Variants in EVC2 observed in about 807,000 individuals in gnomAD.
EVC2 encodes the protein limbin.
EVC2 carries 148 observed loss-of-function variants against 149.3 expected under a neutral mutation model. The ratio of observed to expected loss-of-function variants is 0.99; its 90% CI spans 0.87 to 1.14. The LOEUF (loss-of-function observed/expected upper bound fraction) is 1.14, where lower values mean the gene tolerates loss of function less well. Ranked by LOEUF, EVC2 falls within the 50% of genes most tolerant of loss-of-function variation. EVC2 has a pLI of 0.00. For missense variants in EVC2, 1,854 were observed against 1,627.3 expected (o/e 1.14, Z -2.40); for synonymous variants, 776 against 649.9 (o/e 1.19, Z -2.95).
intron 8 of EVC2, among the ~76,000 whole-genome samples, chr4:5,664,821 T>A (rs1267959450): frequency 6.6e-6 from 1 of 152,172 alleles, no homozygotes; most frequent in Non-Finnish European, 1.5e-5. Context: ...CCTTTTGTCC[T>A]GGGATCACTT....
intron 16 of EVC2, among the ~76,000 whole-genome samples, chr4:5,602,573 G>A (rs890565218): frequency 6.6e-6 from 1 of 150,658 alleles, no homozygotes; most frequent in African/African-American, 2.4e-5. Context: ...GAGTAAAATA[G>A]TTTCCTAAGG....
intron 16 of EVC2, among the ~76,000 whole-genome samples, chr4:5,599,187 G>C (rs910628637): frequency 1.3e-5 from 2 of 151,538 alleles, no homozygotes; most frequent in African/African-American, 2.4e-5. Flanking sequence ...TCTAGAACTA[G>C]AAATACCATT....
chr4:5,585,995 G>A (rs1337184063), intron 16 of EVC2, among the ~76,000 whole-genome samples: 1 of 152,066 alleles, frequency 6.6e-6, no homozygotes, highest in African/African-American at 2.4e-5. Flanking sequence ...CTGAGTAGCT[G>A]GGATTACAGG....
Position 5,625,345 on chromosome 4 carries a change from CACAA to C in EVC2, c.2046+400_2046+403del, listed in dbSNP as rs1166778373. On this transcript the variant is annotated intron_variant, in intron 13 of 21. Coordinates refer to ENST00000344408, the MANE Select transcript of EVC2 (RefSeq NM_147127.5). The surrounding 1 kb of genome is among the most constrained non-coding windows in gnomAD (Gnocchi z 4.0). ...ACACACACACACACACACACACACA[CACAA>C]ACCCAGTGGTATCTCCCTCATAGGG... Among the ~76,000 whole-genome samples, 38 of 145,686 alleles carry C rather than the reference CACAA, an allele frequency of 2.6e-4. No homozygotes were observed. Among genetic ancestry groups the C allele is most frequent in the African/African-American group, 8.8e-4 (34 of 38,742 alleles).
downstream of EVC2, among the ~76,000 whole-genome samples, chr4:5,540,512 C>T (rs180675537): frequency 1.7e-3 from 261 of 152,246 alleles, 1 homozygote; most frequent in Middle Eastern, 0.01. Flanking sequence ...TTGATACATG[C>T]GACATGTGGA....
the EVC2 span, among the ~76,000 whole-genome samples, chr4:5,537,198 A>G: frequency 6.6e-6 from 1 of 152,198 alleles, no homozygotes; most frequent in East Asian, 1.9e-4. Flanking sequence ...AGGGAAGGGA[A>G]CCCAGGCAGA....
chr4:5,651,138 A>G (rs1439340561), intron 9 of EVC2, among the ~76,000 whole-genome samples: 1 of 152,074 alleles, frequency 6.6e-6, no homozygotes, highest in Non-Finnish European at 1.5e-5. Context: ...TAGATGAATG[A>G]ATGGATGATG....
intron 16 of EVC2, among the ~76,000 whole-genome samples, chr4:5,608,524 T>A (rs531659398): frequency 6.6e-6 from 1 of 152,190 alleles, no homozygotes; most frequent in East Asian, 1.9e-4. Flanking sequence ...GAGATTAGCA[T>A]CTTGTTATTT....
chr4:5,655,923 T>C (rs1457903111), intron 9 of EVC2, among the ~76,000 whole-genome samples: 1 of 152,132 alleles, frequency 6.6e-6, no homozygotes, highest in Non-Finnish European at 1.5e-5. Context: ...CAACAGGTCA[T>C]GAAGTGAGAT....
At chr4:5,542,364 A>C (rs1441023292), downstream of EVC2, among the ~76,000 whole-genome samples, 1 of 152,184 alleles carries the variant, frequency 6.6e-6, no homozygotes, top group Non-Finnish European at 1.5e-5. Context: ...CAGAGGTGGG[A>C]GGACCACTTG....
In EVC2 at chr4:5,679,914, C is replaced by G. The variant is rs1228047639; in HGVS notation, c.870+1346G>C. Among the ~76,000 whole-genome samples, 2 of 152,114 alleles carry G rather than the reference C, an allele frequency of 1.3e-5. No individual in the cohort carries two copies. The highest frequency in any genetic ancestry group is 4.8e-5 in the African/African-American group (2 of 41,420). ...ACAGCTATACAAAAATAGTTCCTTT[C>G]TTTATATCCTTACTCTGTAAGCTTT... On this transcript the variant is annotated intron_variant, in intron 7 of 21. Transcript: ENST00000344408. This position sits in a 1 kb window ranked among gnomAD's most constrained non-coding sequence, Gnocchi z 5.1.
intron 21 of EVC2, among the ~76,000 whole-genome samples, chr4:5,564,636 C>T (rs1267406892): frequency 6.6e-6 from 1 of 152,178 alleles, no homozygotes; most frequent in Non-Finnish European, 1.5e-5. Flanking sequence ...CCTGATGTTG[C>T]TTTTTGTTTC....
intron 14 of EVC2, among the ~76,000 whole-genome samples, chr4:5,619,989 C>T (rs1034331169): frequency 2.0e-5 from 3 of 152,174 alleles, no homozygotes; most frequent in Non-Finnish European, 2.9e-5. Flanking sequence ...GTTTACCATA[C>T]CCAGATCTCA....
intron 19 of EVC2, 32 bp from the exon 20 acceptor site, chr4:5,568,672 T>A (rs376648271): frequency 6.3e-7 from 1 of 1,590,260 alleles, no homozygotes; most frequent in Admixed American, 1.7e-5. Context: ...GTTCAGACCC[T>A]CGCCGCCTCT....
At chr4:5,593,496 A>T (rs1713032018) in intron 16 of EVC2, among the ~76,000 whole-genome samples, 1 of 152,236 alleles carries the variant, frequency 6.6e-6, no homozygotes, top group Non-Finnish European at 1.5e-5. Flanking sequence ...AACATTATCA[A>T]GAAACTTGCA....
intron 7 of EVC2, among the ~76,000 whole-genome samples, chr4:5,678,022 T>C (rs1174230734): frequency 6.6e-6 from 1 of 152,210 alleles, no homozygotes; most frequent in Non-Finnish European, 1.5e-5. Context: ...TGCCACTTAC[T>C]AGCCATGCAG....
Position 5,696,418 on chromosome 4 carries a change from G to C in EVC2, c.283+1175C>G, listed in dbSNP as rs946021579. Among the ~76,000 whole-genome samples the C allele has an allele frequency of 6.6e-6, 1 of 152,144 alleles. No homozygotes were observed. The highest frequency in any genetic ancestry group is 1.5e-5 in the Non-Finnish European group (1 of 68,030). On this transcript the variant is annotated intron_variant, in intron 2 of 21. Coordinates refer to ENST00000344408, the MANE Select transcript of EVC2 (RefSeq NM_147127.5). This position sits in a 1 kb window ranked among gnomAD's most constrained non-coding sequence, Gnocchi z 4.1. Reference sequence around the variant, plus strand: ...GCCCATCCCATTCCCCAGGACACCAGAGTTAGGCACAGAACCCAGACAACC... The same window carrying C: ...GCCCATCCCATTCCCCAGGACACCACAGTTAGGCACAGAACCCAGACAACC...
Position 5,625,541 on chromosome 4 carries a change from C to G in EVC2, c.2046+208G>C, listed in dbSNP as rs1169075176. On this transcript the variant is annotated intron_variant, in intron 13 of 21. Transcript: ENST00000344408. The surrounding 1 kb of genome is among the most constrained non-coding windows in gnomAD (Gnocchi z 4.0). ...TAGTCTATTGTGACCCTCTGCTGTG[C>G]TTGGGCTGGATAAGAATTGTAGCAT... Among the ~76,000 whole-genome samples the G allele has an allele frequency of 6.6e-6, 1 of 152,206 alleles. No individual in the cohort carries two copies. Among genetic ancestry groups the G allele is most frequent in the Admixed American group, 6.5e-5 (1 of 15,292 alleles).
rs1001648119 is a variant in EVC2 at position 5,628,567 on chromosome 4, C to A, written c.1878G>T (p.Lys626Asn). The A allele has an allele frequency of 6.2e-7, 1 of 1,613,984 alleles. No individual in the cohort carries two copies. The highest frequency in any genetic ancestry group is 1.3e-5 in the African/African-American group (1 of 74,890). Residue 626 changes from lysine (K) to asparagine (N), a missense_variant, in exon 12 of 22, where the codon AAG becomes AAT. Transcript: ENST00000344408. ...ACAGTGTTGAGTGGTACCTCTCGTG[C>A]TTCTGAATGAGGTGAGTCAGCTGGG... ...AAAQLTHLIQ[K>N]HERAGYLDED...
Sources: gnomAD v4.1 joint callset for allele counts (sites outside exome capture counted in the v4.1 genomes callset) on GRCh38, gnomAD v4.1.1 for gene constraint, Gnocchi (gnomAD v3.1) non-coding constraint, MANE v1.5 for transcripts, NCBI Gene and HGNC (gene_info 2026-07-23, HGNC 2026-07-21) for gene names.